COL21A1: variants seen among roughly 807,000 people sequenced by gnomAD.
COL21A1 encodes the protein collagen type XXI alpha 1 chain, also known as collagen alpha-1(XXI) chain.
In COL21A1, 149 loss-of-function variants were observed where a neutral mutation model predicts 137.9. That is an observed-to-expected ratio of 1.08 (90% CI 0.95 to 1.24). The LOEUF is 1.24. COL21A1 is among the 50% of genes most tolerant of loss of function. The probability of loss-of-function intolerance (pLI) is 0.00; values close to 1 mark genes in which losing one functional copy is unlikely to be tolerated. For missense variants in COL21A1, 1,167 were observed against 1,158.4 expected (o/e 1.01, Z -0.11); for synonymous variants, 456 against 391.5 (o/e 1.16, Z -1.95).
chr6:56,226,124 C>A (rs1177641804), intron 1 of COL21A1, among the ~76,000 whole-genome samples: 1 of 151,984 alleles, frequency 6.6e-6, no homozygotes, highest in Non-Finnish European at 1.5e-5. Flanking sequence ...CTTTTCAAAT[C>A]TAATTTTAGG....
rs374398282 is a variant in COL21A1, at chr6:56,069,064, G to A, written c.2073C>T (p.Pro691=). The part of the protein sequence containing the change: ...SPGEPGYMGL[P]GIQGKKGDKG... The stretch of plus-strand genomic sequence containing the variant: ...TGCATACCTTTTTTCCTTGAATCCC[G>A]GGTAAACCCATGTATCCTGGTTCTC... Residue 691 remains proline, a synonymous_variant, in exon 22 of 30, where the codon CCC becomes CCT. Coordinates refer to ENST00000244728, the MANE Select transcript of COL21A1 (RefSeq NM_030820.4). 2.7e-4 allele frequency: 438 copies of A among 1,600,358 alleles called. 1 individual carries two copies. In the African/African-American group the frequency reaches 4.1e-3, roughly 15 times the overall value.
At chr6:56,197,103 C>T (rs912061639) in intron 1 of COL21A1, among the ~76,000 whole-genome samples, 2 of 151,848 alleles carry the variant, frequency 1.3e-5, no homozygotes, top group African/African-American at 4.8e-5. Flanking sequence ...TAATTTTCCA[C>T]AAAATGTCAA....
At chr6:56,316,947 T>C (rs1186042020) in intron 1 of COL21A1, among the ~76,000 whole-genome samples, 1 of 152,128 alleles carries the variant, frequency 6.6e-6, no homozygotes, top group Admixed American at 6.6e-5. Flanking sequence ...TTCAGAAGTG[T>C]CATTTAGTAT....
In COL21A1 at chr6:56,056,974, T is replaced by C. The variant is rs1181509929; in HGVS notation, c.*683A>G. The C allele has an allele frequency of 2.0e-5, 3 of 152,224 alleles. No homozygotes were observed. Among genetic ancestry groups the C allele is most frequent in the African/African-American group, 7.2e-5 (3 of 41,472 alleles). 9.4% of individuals were successfully genotyped at this position (152,224 alleles called of 1,614,324 possible). A position where few individuals can be genotyped will look rare whatever the true frequency, so the allele number is the denominator to read the frequency against. Reference sequence around the variant, plus strand: ...TTTGAATGTACAATGAAACTTTTTGTCTAAAATGTTTTTAATGTTAATTTT... The same window carrying C: ...TTTGAATGTACAATGAAACTTTTTGCCTAAAATGTTTTTAATGTTAATTTT... On this transcript the variant is annotated 3_prime_UTR_variant, in exon 30 of 30. Transcript: ENST00000244728.
upstream of COL21A1, among the ~76,000 whole-genome samples, chr6:56,248,358 T>C (rs915626643): frequency 1.9e-4 from 29 of 152,228 alleles, no homozygotes; most frequent in African/African-American, 6.5e-4. Flanking sequence ...GACCTTATCA[T>C]AGTTGCTTGC....
Position 56,056,883 on chromosome 6 carries a change from CA to C in COL21A1, c.*773del, listed in dbSNP as rs2114007898. ...AAGTGAAATGGAAAATGAAGGCATACAACAAACATTCCGATTAATCAACAAG... is the reference window on the plus strand; with the variant it reads ...AAGTGAAATGGAAAATGAAGGCATACACAAACATTCCGATTAATCAACAAG... On this transcript the variant is annotated 3_prime_UTR_variant, in exon 30 of 30. Transcript: ENST00000244728. 1 of 152,254 alleles carries C rather than the reference CA, an allele frequency of 6.6e-6. No homozygotes were observed. Among genetic ancestry groups the C allele is most frequent in the African/African-American group, 2.4e-5 (1 of 41,564 alleles). The allele number at this position is 152,254 out of a possible 1,614,324, so 9.4% of individuals were successfully genotyped here. A position where few individuals can be genotyped will look rare whatever the true frequency, so the allele number is the denominator to read the frequency against.
chr6:56,123,006 G>A (rs989937899), intron 16 of COL21A1, among the ~76,000 whole-genome samples: 2 of 152,084 alleles, frequency 1.3e-5, no homozygotes, highest in African/African-American at 4.8e-5. Context: ...CATTTCTTGG[G>A]GTATATGGAT....
chr6:56,060,229 C>G lies in COL21A1; in HGVS notation c.2408-11G>C, dbSNP rs762336335. On this transcript the variant is annotated splice_polypyrimidine_tract_variant and intron_variant, in intron 27 of 29. Coordinates refer to ENST00000244728, the MANE Select transcript of COL21A1 (RefSeq NM_030820.4). Reference sequence around the variant, plus strand: ...AGACTGGTAGCTGGGCTTTCAAAAACAAAGAAACCCCATCCCTTATGTTTA... The same window carrying G: ...AGACTGGTAGCTGGGCTTTCAAAAAGAAAGAAACCCCATCCCTTATGTTTA... 1.3e-5 allele frequency: 21 copies of G among 1,574,418 alleles called. 1 individual carries two copies. The South Asian group carries it at 2.3e-4, about 18-fold the overall frequency.
intron 1 of COL21A1, among the ~76,000 whole-genome samples, chr6:56,272,605 C>T (rs1176160482): frequency 6.6e-6 from 1 of 152,070 alleles, no homozygotes; most frequent in Admixed American, 6.6e-5. Flanking sequence ...TGGCTTGGCT[C>T]TGTGTCCCCA....
chr6:56,129,613 A>G (rs540239331), intron 12 of COL21A1, among the ~76,000 whole-genome samples: 1 of 151,734 alleles, frequency 6.6e-6, no homozygotes, highest in South Asian at 2.1e-4. Flanking sequence ...TTTCTCAAGA[A>G]TAATTGCTTC....
At chr6:56,082,032 G>T (rs1445852619) in intron 17 of COL21A1, among the ~76,000 whole-genome samples, 4 of 151,912 alleles carry the variant, frequency 2.6e-5, no homozygotes, top group Non-Finnish European at 5.9e-5. Context: ...CACACCTAAA[G>T]GCATTTCTAC....
intron 17 of COL21A1, among the ~76,000 whole-genome samples, chr6:56,082,765 C>G (rs767768527): frequency 1.3e-5 from 2 of 151,736 alleles, no homozygotes; most frequent in Admixed American, 6.6e-5. Context: ...ATAAAGAAAA[C>G]ACACTAATAA....
chr6:56,064,377 T>A (rs995164808), intron 24 of COL21A1, among the ~76,000 whole-genome samples: 1 of 151,988 alleles, frequency 6.6e-6, no homozygotes, highest in Non-Finnish European at 1.5e-5. Context: ...GTTATCAGTA[T>A]GGGAAAGTGA....
At chr6:56,325,938 T>C (rs1185817148) in intron 1 of COL21A1, among the ~76,000 whole-genome samples, 1 of 29,566 alleles carries the variant, frequency 3.4e-5, no homozygotes, top group East Asian at 6.3e-4. Context: ...ATATAATATA[T>C]ATTATATATT....
chr6:56,101,046 T>C (rs9464342), intron 17 of COL21A1, among the ~76,000 whole-genome samples: 145,375 of 152,272 alleles, frequency 0.95, 69,425 homozygotes, highest in East Asian at 1. Context: ...ACCTGGGACA[T>C]GTGCTAAAAA....
intron 1 of COL21A1, among the ~76,000 whole-genome samples, chr6:56,296,771 T>C (rs1343814439): frequency 6.6e-6 from 1 of 152,030 alleles, no homozygotes; most frequent in African/African-American, 2.4e-5. Context: ...ACATTTTGTT[T>C]CTAGAAAAAT....
chr6:56,191,522 G>A (rs1582603814), intron 1 of COL21A1, among the ~76,000 whole-genome samples: 1 of 149,662 alleles, frequency 6.7e-6, no homozygotes, highest in Admixed American at 6.7e-5. Flanking sequence ...AACCAGGGAA[G>A]CAGAGGTTGC....
At chr6:56,277,316 C>G (rs1045773174) in intron 1 of COL21A1, among the ~76,000 whole-genome samples, 6 of 152,074 alleles carry the variant, frequency 3.9e-5, no homozygotes, top group African/African-American at 1.4e-4. Flanking sequence ...CACGACAGGC[C>G]CCGGTGTGCG....
At chr6:56,247,018 C>A (rs760779137) in intron 1 of COL21A1, among the ~76,000 whole-genome samples, 1 of 152,196 alleles carries the variant, frequency 6.6e-6, no homozygotes, top group South Asian at 2.1e-4. Flanking sequence ...GCTCTGCGCG[C>A]TCAGCGCCAC....
Sources: gnomAD v4.1 joint callset for allele counts (sites outside exome capture counted in the v4.1 genomes callset) on GRCh38, gnomAD v4.1.1 for gene constraint, MANE v1.5 for transcripts, NCBI Gene and HGNC (gene_info 2026-07-23, HGNC 2026-07-21) for gene names.